Variants in VWC2L observed in about 807,000 individuals in gnomAD.
The protein encoded by VWC2L is von Willebrand factor C domain containing 2 like.
In VWC2L, 10 loss-of-function variants were observed where a neutral mutation model predicts 21.6. The ratio of observed to expected loss-of-function variants is 0.46; its 90% confidence interval spans 0.29 to 0.78. The LOEUF (loss-of-function observed/expected upper bound fraction) is 0.78, where lower values mean the gene tolerates loss of function less well. Ranked by LOEUF, VWC2L falls within the 30% of genes least tolerant of loss-of-function variation. The pLI is 0.10. For synonymous variants in VWC2L, 96 were observed against 94.3 expected (o/e 1.02, Z -0.10); for missense variants, 209 against 277.1 (o/e 0.75, Z 1.74).
chr2:214,525,110 C>T (rs1167064593), intron 3 of VWC2L: 1 of 151,374 alleles, frequency 6.6e-6, no homozygotes, highest in Non-Finnish European at 1.5e-5. Flanking sequence ...TCATTAGTTC[C>T]TAGTGAATTC....
At chr2:214,574,019 G>A (rs982676995) in intron 3 of VWC2L, among the ~76,000 whole-genome samples, 3 of 152,210 alleles carry the variant, frequency 2.0e-5, no homozygotes, top group African/African-American at 7.2e-5. Flanking sequence ...GCGCTTGCCT[G>A]TAGTCCCAGC....
chr2:214,508,269 C>T (rs187118929), intron 3 of VWC2L, among the ~76,000 whole-genome samples: 24 of 152,268 alleles, frequency 1.6e-4, no homozygotes, highest in Non-Finnish European at 2.2e-4. Context: ...CCACCACCCC[C>T]GGCTCTTCTG....
intron 3 of VWC2L, among the ~76,000 whole-genome samples, chr2:214,568,369 C>T (rs1205230366): frequency 6.6e-6 from 1 of 152,162 alleles, no homozygotes; most frequent in Non-Finnish European, 1.5e-5. Context: ...TGCCACATCA[C>T]TACTGCTTCT....
intron 3 of VWC2L, among the ~76,000 whole-genome samples, chr2:214,488,821 G>A (rs1453183767): frequency 1.3e-5 from 2 of 152,136 alleles, no homozygotes; most frequent in African/African-American, 4.8e-5. Context: ...TGGCAAGAGT[G>A]GAAGCAAGAG....
chr2:214,424,336 C>T (rs916291386), intron 2 of VWC2L, among the ~76,000 whole-genome samples: 1 of 152,174 alleles, frequency 6.6e-6, no homozygotes, highest in African/African-American at 2.4e-5. Flanking sequence ...GAGCAGTACA[C>T]GTTAGTATAC....
chr2:214,566,755 T>G (rs1427347267), intron 3 of VWC2L, among the ~76,000 whole-genome samples: 2 of 152,136 alleles, frequency 1.3e-5, no homozygotes, highest in Non-Finnish European at 2.9e-5. Context: ...ACTAGAAGGT[T>G]TAAGGCACTT....
At chr2:214,476,712 A>T (rs1204829937) in intron 3 of VWC2L, among the ~76,000 whole-genome samples, 3 of 152,156 alleles carry the variant, frequency 2.0e-5, no homozygotes, top group Admixed American at 1.3e-4. Context: ...TTTGAACAGA[A>T]ATCCTATTTT....
At chr2:214,491,963 T>C (rs1280379092) in intron 3 of VWC2L, among the ~76,000 whole-genome samples, 6 of 152,180 alleles carry the variant, frequency 3.9e-5, no homozygotes, top group Non-Finnish European at 7.3e-5. Context: ...TGCAGAAATG[T>C]GGTAAATGTT....
intron 3 of VWC2L, among the ~76,000 whole-genome samples, chr2:214,480,620 T>A (rs990607265): frequency 6.6e-6 from 1 of 152,144 alleles, no homozygotes; most frequent in East Asian, 1.9e-4. Context: ...TTTCATCTTA[T>A]TAGTCCACTA....
At chr2:214,413,168 T>A (rs1475984131) in intron 1 of VWC2L, among the ~76,000 whole-genome samples, 2 of 152,096 alleles carry the variant, frequency 1.3e-5, no homozygotes, top group Non-Finnish European at 2.9e-5. Flanking sequence ...TATGCTGGCA[T>A]CTTTGTGCAG....
At chr2:214,494,047 T>G (rs1420794445) in intron 3 of VWC2L, among the ~76,000 whole-genome samples, 2 of 152,136 alleles carry the variant, frequency 1.3e-5, no homozygotes, top group African/African-American at 4.8e-5. Context: ...CTATTCCTAA[T>G]TTTCTAAAGT....
At chr2:214,473,511 G>A (rs1703340207) in intron 3 of VWC2L, among the ~76,000 whole-genome samples, 1 of 152,256 alleles carries the variant, frequency 6.6e-6, no homozygotes, top group East Asian at 1.9e-4. Flanking sequence ...GCCTAAGTGA[G>A]AAAAGCATGG....
At chr2:214,473,743 C>T (rs1209468662) in intron 3 of VWC2L, 4 of 147,766 alleles carry the variant, frequency 2.7e-5, no homozygotes, top group Non-Finnish European at 4.4e-5. Flanking sequence ...TGTTATATCT[C>T]GGTGCTCTCA....
chr2:214,457,095 C>T (rs1249208596), intron 3 of VWC2L, among the ~76,000 whole-genome samples: 2 of 151,950 alleles, frequency 1.3e-5, no homozygotes, highest in Non-Finnish European at 2.9e-5. Context: ...TAAAAAATTT[C>T]TGTGAAAAAT....
chr2:214,566,104 G>A (rs1690058429), intron 3 of VWC2L, among the ~76,000 whole-genome samples: 1 of 152,186 alleles, frequency 6.6e-6, no homozygotes, highest in Non-Finnish European at 1.5e-5. Context: ...GGTGGGGTTA[G>A]TCTTGTTTCA....
chr2:214,563,450 G>A (rs1176867695), intron 3 of VWC2L, among the ~76,000 whole-genome samples: 2 of 150,222 alleles, frequency 1.3e-5, no homozygotes, highest in African/African-American at 4.9e-5. Context: ...AGGAGGCTGA[G>A]GCAGGAGAAT....
chr2:214,511,677 T>C (rs369433736), intron 3 of VWC2L, among the ~76,000 whole-genome samples: 8 of 152,174 alleles, frequency 5.3e-5, no homozygotes, highest in South Asian at 4.1e-4. Context: ...CCCAGTGGTA[T>C]TTCGTTATGG....
chr2:214,444,190 C>G (rs1186902251), intron 3 of VWC2L, among the ~76,000 whole-genome samples: 1 of 151,950 alleles, frequency 6.6e-6, no homozygotes, highest in African/African-American at 2.4e-5. Flanking sequence ...TGGGAGAAAG[C>G]AGGTTTGTAG....
chr2:214,550,533 C>T (rs1689777521), intron 3 of VWC2L, among the ~76,000 whole-genome samples: 2 of 152,170 alleles, frequency 1.3e-5, no homozygotes, highest in Non-Finnish European at 2.9e-5. Context: ...TTCCTTGAAC[C>T]TGTTTTGTTT....
Sources: allele counts gnomAD v4.1 joint callset (sites outside exome capture counted in the v4.1 genomes callset), GRCh38; gene constraint gnomAD v4.1.1; transcripts MANE v1.5; gene names NCBI Gene and HGNC (gene_info 2026-07-23, HGNC 2026-07-21).